COL1A2: variants seen among roughly 807,000 people sequenced by gnomAD.
The protein encoded by COL1A2 is collagen type I alpha 2 chain.
COL1A2 carries 49 observed loss-of-function variants against 174.3 expected under a neutral mutation model. The ratio of observed to expected loss-of-function variants is 0.28; its 90% CI spans 0.22 to 0.36. COL1A2 has a LOEUF of 0.36. Ranked by LOEUF, COL1A2 falls within the 10% of genes least tolerant of loss-of-function variation. The probability of loss-of-function intolerance (pLI) is 1.00; values close to 1 mark genes in which losing one functional copy is unlikely to be tolerated. For synonymous variants in COL1A2, 655 were observed against 606.6 expected, an observed-to-expected ratio of 1.08 and a Z score of -1.17; for missense variants, 1,438 against 1,822.7, an observed-to-expected ratio of 0.79 and a Z score of 3.84.
chr7:94,401,061 G>T (rs371554402), intron 5 of COL1A2, among the ~76,000 whole-genome samples: 1 of 152,136 alleles, frequency 6.6e-6, no homozygotes, highest in South Asian at 2.1e-4. Context: ...CTTCCAAGGG[G>T]TATTTTAATT....
At chr7:94,405,938 C>A (rs1219215206) in intron 11 of COL1A2, among the ~76,000 whole-genome samples, 1 of 152,122 alleles carries the variant, frequency 6.6e-6, no homozygotes, top group African/African-American at 2.4e-5. Context: ...AGGCTCACTA[C>A]AGAGAAAATT....
intron 15 of COL1A2, 144 bp from the exon 16 acceptor site, chr7:94,408,626 C>T (rs528417295): frequency 3.3e-5 from 33 of 1,007,242 alleles, no homozygotes; most frequent in East Asian, 5.1e-5. Context: ...GAGATCCTAA[C>T]GACAACAGAC....
rs1042509973 is a variant in COL1A2 at position 94,426,840 on chromosome 7, A to G, written c.3106-168A>G. The G allele has an allele frequency of 1.0e-5, 7 of 672,744 alleles. No individual in the cohort carries two copies. The East Asian group carries it at 1.1e-4, about 10-fold the overall frequency. The allele number at this position is 672,744 out of a possible 1,614,324, so 41.7% of individuals were successfully genotyped here. A position where few individuals can be genotyped will look rare whatever the true frequency, so the allele number is the denominator to read the frequency against. On this transcript the variant is annotated intron_variant, in intron 46 of 51. Coordinates refer to ENST00000297268, the MANE Select transcript of COL1A2 (RefSeq NM_000089.4). The stretch of plus-strand genomic sequence containing the variant: ...TGCTGAAATAGGTTGTGAAAAAAAA[A>G]TTGAATATAATAGACATAATGGGAG...
intron 37 of COL1A2, 152 bp from the exon 38 acceptor site, chr7:94,420,857 G>T (rs907609804): frequency 2.1e-5 from 19 of 892,832 alleles, no homozygotes; most frequent in Non-Finnish European, 3.1e-5. Flanking sequence ...ACCTCATAAG[G>T]GTGGTAATAT....
At chr7:94,411,877 CA>C (rs1470964840) in intron 23 of COL1A2, among the ~76,000 whole-genome samples, 190 bp from the exon 24 acceptor site, 1 of 151,974 alleles carries the variant, frequency 6.6e-6, no homozygotes, top group South Asian at 2.1e-4. Context: ...AGGAAAGCCA[CA>C]AAAAAATAGA....
chr7:94,425,948 AG>A, intron 44 of COL1A2, 49 bp from the exon 45 acceptor site: 1 of 1,606,826 alleles, frequency 6.2e-7, no homozygotes, highest in Non-Finnish European at 8.5e-7. Context: ...AGGAGTGGGG[AG>A]GGGTATCTTG....
chr7:94,398,604 T>C (rs1471642191), intron 3 of COL1A2, among the ~76,000 whole-genome samples: 1 of 152,012 alleles, frequency 6.6e-6, no homozygotes, highest in African/African-American at 2.4e-5. Flanking sequence ...ATTACATTTA[T>C]GTGATACAAA....
Position 94,420,716 on chromosome 7 carries a change from G to A in COL1A2, c.2295+68G>A, listed in dbSNP as rs540863040. On this transcript the variant is annotated intron_variant, in intron 37 of 51. Coordinates refer to ENST00000297268, the MANE Select transcript of COL1A2 (RefSeq NM_000089.4). ...AGATCTTCCAATTAAATATATATCC[G>A]TCAAGTGCCTGCTATGCAACAGGGA... The A allele has an allele frequency of 2.6e-5, 35 of 1,363,256 alleles. 1 individual carries two copies. The highest frequency in any genetic ancestry group is 2.2e-4 in the South Asian group (18 of 80,458). 84.4% of individuals were successfully genotyped at this position (1,363,256 alleles called of 1,614,324 possible).
chr7:94,419,702 A>G (rs112966146), intron 34 of COL1A2, 151 bp downstream of exon 34: 25 of 862,754 alleles, frequency 2.9e-5, no homozygotes, highest in Non-Finnish European at 4.2e-5. Flanking sequence ...CAGGAAACAA[A>G]TGCTGTGTGT....
At chr7:94,429,516 AG>A in intron 51 of COL1A2, 86 bp downstream of exon 51, 5 of 1,460,664 alleles carry the variant, frequency 3.4e-6, no homozygotes, top group Non-Finnish European at 3.8e-6. Flanking sequence ...GGGGGTCTAA[AG>A]GGGGGTTAAA....
intron 46 of COL1A2, 27 bp from the exon 47 acceptor site, chr7:94,426,981 T>C: frequency 6.2e-7 from 1 of 1,609,338 alleles, no homozygotes; most frequent in South Asian, 1.1e-5. Flanking sequence ...GCTCTGAAAG[T>C]GTGATTTTCC....
At chr7:94,428,021 C>T (rs1695948366) in intron 49 of COL1A2, 136 bp downstream of exon 49, 4 of 1,041,406 alleles carry the variant, frequency 3.8e-6, no homozygotes, top group East Asian at 2.6e-5. Context: ...ATTAATGGAG[C>T]GTCATCTTCT....
Position 94,418,482 on chromosome 7 carries a change from T to A in COL1A2, c.1972-17T>A. 1 of 1,613,436 alleles carries A rather than the reference T, an allele frequency of 6.2e-7. No homozygotes were observed. The highest frequency in any genetic ancestry group is 8.5e-7 in the Non-Finnish European group (1 of 1,179,552). ...TTGGTCAGAAAACAAAAAGTTGCTC[T>A]TGCTTTATACTTTCAGGGTGAACCT... On this transcript the variant is annotated splice_polypyrimidine_tract_variant and intron_variant, in intron 32 of 51. Coordinates refer to ENST00000297268, the MANE Select transcript of COL1A2 (RefSeq NM_000089.4).
chr7:94,420,457 T>C lies in COL1A2; in HGVS notation c.2187+13T>C. ...TGCTGGTCCTGCTGTGAGTATCACA[T>C]AATGAAGATTAATCTGAAAACATCC... On this transcript the variant is annotated intron_variant, in intron 36 of 51. Transcript: ENST00000297268. 6.2e-7 allele frequency: 1 copy of C among 1,614,134 alleles called. No homozygotes were observed. Among genetic ancestry groups the C allele is most frequent in the Non-Finnish European group, 8.5e-7 (1 of 1,180,002 alleles).
intron 12 of COL1A2, among the ~76,000 whole-genome samples, chr7:94,406,592 T>C (rs1791803554): frequency 6.6e-6 from 1 of 152,142 alleles, no homozygotes; most frequent in Non-Finnish European, 1.5e-5. Flanking sequence ...AGTGTATCTC[T>C]GCAGCCAAAA....
At chr7:94,411,956 G>T (rs1791937089) in intron 23 of COL1A2, 112 bp from the exon 24 acceptor site, 4 of 821,726 alleles carry the variant, frequency 4.9e-6, no homozygotes, top group Non-Finnish European at 6.2e-6. Flanking sequence ...TTTACCCTAG[G>T]CAACAAACAA....
intron 49 of COL1A2, 104 bp from the exon 50 acceptor site, chr7:94,428,189 C>G (rs927827359): frequency 3.7e-6 from 4 of 1,085,220 alleles, no homozygotes; most frequent in Non-Finnish European, 5.7e-6. Context: ...GGTAGACAAT[C>G]AAAAATGTTA....
intron 10 of COL1A2, 34 bp from the exon 11 acceptor site, chr7:94,405,639 A>G: frequency 6.4e-7 from 1 of 1,554,544 alleles, no homozygotes; most frequent in Non-Finnish European, 8.9e-7. Context: ...TTATGGTAAA[A>G]CATTATTCAC....
intron 37 of COL1A2, 115 bp from the exon 38 acceptor site, chr7:94,420,894 A>G (rs1054227914): frequency 9.1e-7 from 1 of 1,100,410 alleles, no homozygotes; most frequent in Non-Finnish European, 1.4e-6. Flanking sequence ...ACAGATAGTC[A>G]TTTTTTATTT....
Sources: allele counts gnomAD v4.1 joint callset (sites outside exome capture counted in the v4.1 genomes callset), GRCh38; gene constraint gnomAD v4.1.1; transcripts MANE v1.5; gene names NCBI Gene and HGNC (gene_info 2026-07-23, HGNC 2026-07-21).